The following COG5 variants were observed in gnomAD, a reference collection of about 807,000 sequenced individuals.
COG5 encodes the protein conserved oligomeric Golgi complex subunit 5.
COG5 carries 86 observed loss-of-function variants against 110.4 expected under a neutral mutation model. The observed-to-expected ratio is 0.78, with a 90% CI of 0.65 to 0.93. COG5 has a LOEUF of 0.93. Ranked by LOEUF, COG5 falls within the 40% of genes least tolerant of loss-of-function variation. The pLI is 0.00. For synonymous variants in COG5, 360 were observed against 334.6 expected, an observed-to-expected ratio of 1.08 and a Z score of -0.83; for missense variants, 1,077 against 987.0, an observed-to-expected ratio of 1.09 and a Z score of -1.22.
At chr7:107,437,711 T>A (rs1320033709) in intron 6 of COG5, among the ~76,000 whole-genome samples, 2 of 152,180 alleles carry the variant, frequency 1.3e-5, no homozygotes, top group East Asian at 3.8e-4. Flanking sequence ...TATGCATTTT[T>A]AAACCATAAT....
At position 107,362,986 on chromosome 7, in the gene COG5, CAA is replaced by C. The variant is rs368100284; in HGVS notation, c.836-568_836-567del. Among the ~76,000 whole-genome samples the C allele has an allele frequency of 3.3e-3, 500 of 152,152 alleles. 3 individuals are homozygous for C. The highest frequency in any genetic ancestry group is 0.011 in the African/African-American group (477 of 41,504). ...GACACATTTATGCACAAAAAAATTA[CAA>C]AGAAATACTGAACTTTATTAAATAG... On this transcript the variant is annotated intron_variant, in intron 8 of 21. Transcript: ENST00000297135.
rs111276765 is a variant in COG5 at position 107,563,643 on chromosome 7, G to A, written c.94+160C>T. On this transcript the variant is annotated intron_variant, in intron 1 of 21. Coordinates refer to ENST00000297135, the MANE Select transcript of COG5 (RefSeq NM_006348.5). ...AGCCAGTCCCAGAGTAAATAGGTTG[G>A]CTAGAACAGTACCCAAGCCAGGGGG... is the stretch of plus-strand genomic sequence containing the variant. The A allele has an allele frequency of 4.8e-3, 3,785 of 787,596 alleles. 91 individuals carry two copies. In the African/African-American group the frequency reaches 0.056, roughly 12 times the overall value. 48.8% of individuals were successfully genotyped at this position (787,596 alleles called of 1,614,324 possible).
chr7:107,387,923 A>G (rs2129055518), intron 7 of COG5, among the ~76,000 whole-genome samples: 1 of 152,360 alleles, frequency 6.6e-6, no homozygotes, highest in East Asian at 1.9e-4. Flanking sequence ...CGACTTCAGC[A>G]ATTGCTAGAT....
intron 5 of COG5, among the ~76,000 whole-genome samples, chr7:107,543,081 T>C (rs1802160338): frequency 6.6e-6 from 1 of 152,080 alleles, no homozygotes; most frequent in African/African-American, 2.4e-5. Context: ...ATCAATGTGA[T>C]ATGTTTATGA....
intron 12 of COG5, among the ~76,000 whole-genome samples, chr7:107,294,923 G>A (rs188645873): frequency 0.39 from 32,064 of 81,572 alleles, 5,301 homozygotes; most frequent in African/African-American, 0.49. Context: ...GTGTGTGTGT[G>A]TATATATACA....
At chr7:107,210,150 C>T (rs969729056) in intron 21 of COG5, 2 of 1,079,982 alleles carry the variant, frequency 1.9e-6, no homozygotes, top group East Asian at 6.2e-5. Context: ...TAAAAATTCA[C>T]TCACATCTGT....
intron 14 of COG5, among the ~76,000 whole-genome samples, chr7:107,270,882 C>CTTTTTTTTTTTTTTTTTTTT (rs56971368): frequency 4.4e-5 from 3 of 68,748 alleles, no homozygotes; most frequent in African/African-American, 6.7e-5. Flanking sequence ...CTAACTAGAA[C>CTTTTTTTTTTTTTTTTTTTT]TTTTTTTTTT....
intron 5 of COG5, among the ~76,000 whole-genome samples, chr7:107,546,435 G>GTTTTT (rs754919944): frequency 1.7e-5 from 2 of 119,478 alleles, no homozygotes; most frequent in East Asian, 2.6e-4. Flanking sequence ...TTGGTTTTTT[G>GTTTTT]TTTTTTTTTT....
chr7:107,525,424 A>T (rs1293645287), intron 6 of COG5, among the ~76,000 whole-genome samples: 1 of 152,108 alleles, frequency 6.6e-6, no homozygotes, highest in Non-Finnish European at 1.5e-5. Flanking sequence ...AATCCTACAA[A>T]CTATTGTTGG....
At chr7:107,540,456 T>C (rs888503837) in intron 5 of COG5, among the ~76,000 whole-genome samples, 1 of 151,548 alleles carries the variant, frequency 6.6e-6, no homozygotes, top group African/African-American at 2.4e-5. Context: ...TGTGTGCCTT[T>C]AGTCCCAGCT....
chr7:107,214,538 T>C (rs1799386636), intron 19 of COG5, among the ~76,000 whole-genome samples: 1 of 152,178 alleles, frequency 6.6e-6, no homozygotes, highest in African/African-American at 2.4e-5. Flanking sequence ...ATGCTATAAA[T>C]AATATAGAGT....
chr7:107,289,875 C>T (rs550605373), intron 12 of COG5, among the ~76,000 whole-genome samples: 3 of 152,096 alleles, frequency 2.0e-5, no homozygotes, highest in Non-Finnish European at 2.9e-5. Context: ...ACCTCCTGTG[C>T]CAAACTTGCT....
intron 8 of COG5, among the ~76,000 whole-genome samples, chr7:107,371,938 G>A (rs191407693): frequency 1.3e-5 from 2 of 152,248 alleles, no homozygotes; most frequent in Non-Finnish European, 2.9e-5. Context: ...TGGAGTGGCA[G>A]CAAGTAAGTA....
chr7:107,412,594 C>A lies in COG5; in HGVS notation c.577G>T (p.Val193Leu). The A allele has an allele frequency of 6.3e-7, 1 of 1,581,082 alleles. No homozygotes were observed. The highest frequency in any genetic ancestry group is 1.1e-5 in the South Asian group (1 of 90,442). Residue 193 changes from valine (V) to leucine (L), a missense_variant, in exon 7 of 22, where the codon GTG becomes TTG. By Grantham distance (32) the Val-to-Leu change is conservative. Coordinates refer to ENST00000297135, the MANE Select transcript of COG5 (RefSeq NM_006348.5). ...SQGIDLSGIE[V>L]IENDLLFIAR... is the part of the protein sequence containing the mutation. ...ATAAAAAGTAGATCATTTTCTATCACTTCTATTCCAGAAAGATCTATTCCT... is the reference window on the plus strand; with the variant it reads ...ATAAAAAGTAGATCATTTTCTATCAATTCTATTCCAGAAAGATCTATTCCT...
intron 14 of COG5, among the ~76,000 whole-genome samples, chr7:107,273,295 A>G (rs1454745249): frequency 2.0e-5 from 3 of 152,202 alleles, no homozygotes; most frequent in Non-Finnish European, 1.5e-5. Flanking sequence ...GAGTACAGGT[A>G]TATCTTTAAT....
chr7:107,345,950 C>T (rs1811566489), intron 10 of COG5, among the ~76,000 whole-genome samples: 1 of 152,120 alleles, frequency 6.6e-6, no homozygotes, highest in African/African-American at 2.4e-5. Flanking sequence ...TCAGAATATA[C>T]ATTATATACA....
intron 6 of COG5, among the ~76,000 whole-genome samples, chr7:107,456,795 A>G (rs1378712994): frequency 1.3e-5 from 2 of 152,224 alleles, no homozygotes; most frequent in African/African-American, 4.8e-5. Flanking sequence ...GATACTGCAA[A>G]ATATTCTAGC....
chr7:107,368,536 T>C (rs75634900), intron 8 of COG5, among the ~76,000 whole-genome samples: 49 of 152,262 alleles, frequency 3.2e-4, no homozygotes, highest in African/African-American at 1.2e-3. Flanking sequence ...CTTATAATAA[T>C]TCATTAAGCT....
chr7:107,360,186 G>A (rs1011580803), intron 10 of COG5, among the ~76,000 whole-genome samples: 1 of 152,226 alleles, frequency 6.6e-6, no homozygotes, highest in African/African-American at 2.4e-5. Flanking sequence ...ACAGACATCA[G>A]GATGGTCTGC....
Sources: allele counts gnomAD v4.1 joint callset (sites outside exome capture counted in the v4.1 genomes callset), GRCh38; gene constraint gnomAD v4.1.1; transcripts MANE v1.5; gene names NCBI Gene and HGNC (gene_info 2026-07-23, HGNC 2026-07-21).